The following PRPSAP2 variants were observed in gnomAD, a reference collection of about 807,000 sequenced individuals.
The protein encoded by PRPSAP2 is phosphoribosyl pyrophosphate synthase-associated protein 2.
Under a neutral mutation model 40.6 loss-of-function variants are expected in PRPSAP2, and 24 were observed. That is an observed-to-expected ratio of 0.59 (90% confidence interval 0.43 to 0.83). The LOEUF is 0.83. Among genes scored for constraint, PRPSAP2 ranks in the 40% least tolerant of loss-of-function variants. The pLI is 0.00. For missense variants in PRPSAP2, 292 were observed against 465.6 expected (o/e 0.63, Z 3.43); for synonymous variants, 149 against 164.7 (o/e 0.90, Z 0.73).
intron 6 of PRPSAP2, 35 bp from the exon 7 acceptor site, chr17:18,882,533 A>G (rs755179012): frequency 4.3e-6 from 6 of 1,382,176 alleles, no homozygotes; most frequent in Non-Finnish European, 1.0e-6. Flanking sequence ...CAAAAACAAA[A>G]CTATTTATTG....
intron 8 of PRPSAP2, among the ~76,000 whole-genome samples, chr17:18,894,053 G>A (rs2039756280): frequency 6.6e-6 from 1 of 152,030 alleles, no homozygotes. Flanking sequence ...CACTATGTTG[G>A]TCAGGCTGGT....
At chr17:18,877,154 G>T (rs918679094) in intron 5 of PRPSAP2, among the ~76,000 whole-genome samples, 1 of 152,218 alleles carries the variant, frequency 6.6e-6, no homozygotes, top group African/African-American at 2.4e-5. Flanking sequence ...TGGCCGCATG[G>T]AGGCCACTGA....
At chr17:18,924,147 C>T (rs146275587) in intron 10 of PRPSAP2, 163 bp downstream of exon 10, 8,834 of 576,550 alleles carry the variant, frequency 0.015, 107 homozygotes, top group Non-Finnish European at 0.021. Flanking sequence ...TCAAACGATT[C>T]TCCTGCCTCA....
In PRPSAP2 at chr17:18,930,745, G is replaced by A; in HGVS notation, c.*47G>A. Reference sequence around the variant, plus strand: ...CGAGGGCCAAACTGGAAACATAAGAGTGACTGCTCGGTGGGATGGATTTCA... The same window carrying A: ...CGAGGGCCAAACTGGAAACATAAGAATGACTGCTCGGTGGGATGGATTTCA... On this transcript the variant is annotated 3_prime_UTR_variant, in exon 12 of 12. Transcript: ENST00000268835. 6.5e-7 allele frequency: 1 copy of A among 1,528,334 alleles called. No homozygotes were observed. The highest frequency in any genetic ancestry group is 9.0e-7 in the Non-Finnish European group (1 of 1,115,130). The allele number at this position is 1,528,334 out of a possible 1,614,324, so 94.7% of individuals were successfully genotyped here.
In PRPSAP2 at chr17:18,930,935, C is replaced by A; in HGVS notation, c.*237C>A. 6.3e-6 allele frequency: 2 copies of A among 318,044 alleles called. No individual in the cohort carries two copies. The highest frequency in any genetic ancestry group is 2.1e-5 in the African/African-American group (1 of 47,490). 19.7% of individuals were successfully genotyped at this position (318,044 alleles called of 1,614,324 possible). ...CTCCTCTTTTGAAAAGGTAAGACCT[C>A]GTTTTAGTTGTAACTGTTTAAAAAA... On this transcript the variant is annotated 3_prime_UTR_variant, in exon 12 of 12. Transcript: ENST00000268835.
intron 4 of PRPSAP2, among the ~76,000 whole-genome samples, chr17:18,869,408 G>A (rs903016058): frequency 8.6e-5 from 13 of 151,156 alleles, no homozygotes; most frequent in African/African-American, 3.2e-4. Flanking sequence ...CATGATCAGG[G>A]CTCACTGCAG....
intron 5 of PRPSAP2, among the ~76,000 whole-genome samples, chr17:18,872,978 T>C (rs2038000547): frequency 2.0e-5 from 3 of 151,128 alleles, no homozygotes; most frequent in Admixed American, 1.3e-4. Flanking sequence ...GAGTAGCTGG[T>C]ACTACAGTTG....
intron 8 of PRPSAP2, among the ~76,000 whole-genome samples, chr17:18,890,563 T>C (rs1321279524): frequency 3.3e-5 from 5 of 152,000 alleles, no homozygotes; most frequent in Non-Finnish European, 7.4e-5. Context: ...CCACCCGCCT[T>C]ACCCTCCCAA....
In PRPSAP2 at chr17:18,924,652, C is replaced by A. The variant is rs557350992; in HGVS notation, c.804+668C>A. Among the ~76,000 whole-genome samples the A allele has an allele frequency of 3.3e-5, 5 of 151,788 alleles. No individual in the cohort carries two copies. In the South Asian group the frequency reaches 1.0e-3, roughly 32 times the overall value. On this transcript the variant is annotated intron_variant, in intron 10 of 11. Transcript: ENST00000268835. Reference sequence around the variant, plus strand: ...AACTTGGTGGCACATACCTGCAGTCCCAGCTACTTGAGAGGCTGAGGCGGG... The same window carrying A: ...AACTTGGTGGCACATACCTGCAGTCACAGCTACTTGAGAGGCTGAGGCGGG...
chr17:18,910,777 A>C (rs1412003886), intron 8 of PRPSAP2, among the ~76,000 whole-genome samples: 10 of 152,180 alleles, frequency 6.6e-5, no homozygotes, highest in South Asian at 2.1e-4. Flanking sequence ...ACTGGTAGGT[A>C]GGCAGGCAGG....
chr17:18,897,036 T>G (rs571185781), intron 8 of PRPSAP2, among the ~76,000 whole-genome samples: 1 of 152,310 alleles, frequency 6.6e-6, no homozygotes, highest in East Asian at 1.9e-4. Flanking sequence ...TATGGTTTAC[T>G]GCAGCCTGGA....
chr17:18,923,665 A>G (rs996272908), intron 9 of PRPSAP2, among the ~76,000 whole-genome samples: 1 of 152,170 alleles, frequency 6.6e-6, no homozygotes, highest in Non-Finnish European at 1.5e-5. Context: ...AGTATCCAGT[A>G]TGATGGTGAA....
intron 7 of PRPSAP2, among the ~76,000 whole-genome samples, chr17:18,887,215 G>T (rs904533424): frequency 1.3e-5 from 2 of 151,870 alleles, no homozygotes; most frequent in Non-Finnish European, 2.9e-5. Flanking sequence ...GATTACAAGC[G>T]TGAAGCCACC....
At chr17:18,892,745 A>ATGTATTATT (rs1555554152) in intron 8 of PRPSAP2, among the ~76,000 whole-genome samples, 3 of 125,706 alleles carry the variant, frequency 2.4e-5, no homozygotes, top group African/African-American at 9.1e-5. Context: ...TTATTTATTT[A>ATGTATTATT]TTTTTTTGAG....
intron 4 of PRPSAP2, among the ~76,000 whole-genome samples, chr17:18,868,518 C>T (rs1286979871): frequency 6.6e-6 from 1 of 151,374 alleles, no homozygotes; most frequent in Non-Finnish European, 1.5e-5. Context: ...TTAGCAGGAG[C>T]GATGGACAGC....
At chr17:18,863,528 C>G (rs1057205988) in intron 1 of PRPSAP2, among the ~76,000 whole-genome samples, 3 of 48,216 alleles carry the variant, frequency 6.2e-5, no homozygotes, top group African/African-American at 2.1e-4. Context: ...TTCTTCTTCT[C>G]TTTTCTTTTC....
chr17:18,897,537 C>G (rs949274884), intron 8 of PRPSAP2, among the ~76,000 whole-genome samples: 1 of 152,060 alleles, frequency 6.6e-6, no homozygotes, highest in Admixed American at 6.6e-5. Context: ...TCTTGGCTCA[C>G]TGCAGCCTCC....
At position 18,868,409 on chromosome 17, in the gene PRPSAP2, A is replaced by G. The variant is rs577777126; in HGVS notation, c.172+1075A>G. Among the ~76,000 whole-genome samples, 665 of 150,166 alleles carry G rather than the reference A, an allele frequency of 4.4e-3. 2 individuals are homozygous for G. Among genetic ancestry groups the G allele is most frequent in the Non-Finnish European group, 4.7e-3 (319 of 67,694 alleles). ...AGAATCGCTTGAACCCGGGCGGTGG[A>G]GGTTGCAGTGAGCCAAGATTGTGCC... On this transcript the variant is annotated intron_variant, in intron 4 of 11. Coordinates refer to ENST00000268835, the MANE Select transcript of PRPSAP2 (RefSeq NM_002767.4).
chr17:18,911,524 A>G lies in PRPSAP2; in HGVS notation c.733+273A>G, dbSNP rs569111877. ...TTCAGGGAAGTCCATTCATTCATTC[A>G]GCAGTATATACTAGAGTGTAGTTTA... On this transcript the variant is annotated intron_variant, in intron 9 of 11. Transcript: ENST00000268835. The surrounding 1 kb of genome is among the most constrained non-coding windows in gnomAD (Gnocchi z 4.5). 2.0e-5 allele frequency among the ~76,000 whole-genome samples: 3 copies of G among 152,324 alleles called. No homozygotes were observed. Among genetic ancestry groups the G allele is most frequent in the Admixed American group, 6.5e-5 (1 of 15,284 alleles).
Sources: allele counts gnomAD v4.1 joint callset (sites outside exome capture counted in the v4.1 genomes callset), GRCh38; gene constraint gnomAD v4.1.1; non-coding constraint Gnocchi (gnomAD v3.1); transcripts MANE v1.5; gene names NCBI Gene and HGNC (gene_info 2026-07-23, HGNC 2026-07-21).